Variants in MAU2 observed in about 807,000 individuals in gnomAD.
MAU2 encodes the protein MAU2 sister chromatid cohesion factor.
MAU2 carries 9 observed loss-of-function variants against 89.1 expected under a neutral mutation model. The ratio of observed to expected loss-of-function variants is 0.10; its 90% CI spans 0.06 to 0.18. The LOEUF (loss-of-function observed/expected upper bound fraction) is 0.18, where lower values mean the gene tolerates loss of function less well. MAU2 is among the 10% of genes least tolerant of loss of function. The pLI is 1.00. For synonymous variants in MAU2, 357 were observed against 343.4 expected (o/e 1.04, Z -0.44); for missense variants, 425 against 803.5 (o/e 0.53, Z 5.69).
chr19:19,354,006 C>A, intron 16 of MAU2: 1 of 314,234 alleles, frequency 3.2e-6, no homozygotes, highest in Non-Finnish European at 6.3e-6. Context: ...ACCTGGAACC[C>A]TATATGAATC....
chr19:19,347,917 C>G (rs532868737), intron 13 of MAU2: 1 of 153,108 alleles, frequency 6.5e-6, no homozygotes, highest in African/African-American at 2.4e-5. Flanking sequence ...CCGGGATCCC[C>G]TCCTCAGCCC....
chr19:19,347,169 A>C, intron 12 of MAU2, 111 bp from the exon 13 acceptor site: 1 of 707,820 alleles, frequency 1.4e-6, no homozygotes, highest in Non-Finnish European at 2.6e-6. Context: ...TGAAATGAAA[A>C]GAACAAGTCT....
intron 12 of MAU2, among the ~76,000 whole-genome samples, chr19:19,346,721 C>T (rs1180994968): frequency 6.6e-6 from 1 of 152,172 alleles, no homozygotes; most frequent in African/African-American, 2.4e-5. Flanking sequence ...TCTTGACGAA[C>T]GATCTCATTT....
intron 5 of MAU2, among the ~76,000 whole-genome samples, chr19:19,340,633 C>T (rs1157868596): frequency 4.6e-5 from 7 of 151,892 alleles, no homozygotes; most frequent in African/African-American, 1.2e-4. Context: ...AGCGAGACTC[C>T]GTCTCAAAAA....
intron 4 of MAU2, among the ~76,000 whole-genome samples, chr19:19,337,716 C>T (rs1323752698): frequency 6.6e-6 from 1 of 152,212 alleles, no homozygotes; most frequent in African/African-American, 2.4e-5. Flanking sequence ...CCACAAATGG[C>T]CATGTCAAGC....
intron 16 of MAU2, among the ~76,000 whole-genome samples, chr19:19,351,342 G>C (rs1056857931): frequency 6.6e-6 from 1 of 151,372 alleles, no homozygotes; most frequent in Non-Finnish European, 1.5e-5. Flanking sequence ...CACTGTGCCT[G>C]GCCCTAGAGA....
rs546349793 is a variant in MAU2, at chr19:19,344,433, T to G, written c.1078-416T>G. ...TCTCAAAAAAAAAAACCCAAAAAAC[T>G]AATGGGCCATGGCCCAAAAGCTTGC... On this transcript the variant is annotated intron_variant, in intron 10 of 18. Transcript: ENST00000262815. 18 of 235,742 alleles carry G rather than the reference T, an allele frequency of 7.6e-5. No individual in the cohort carries two copies. The Admixed American group carries it at 8.2e-4, about 11-fold the overall frequency. The allele number at this position is 235,742 out of a possible 1,614,324, so 14.6% of individuals were successfully genotyped here. A position where few individuals can be genotyped will look rare whatever the true frequency, so the allele number is the denominator to read the frequency against.
chr19:19,322,980 TCC>T (rs1241105661), intron 1 of MAU2, among the ~76,000 whole-genome samples: 4 of 152,166 alleles, frequency 2.6e-5, no homozygotes, highest in African/African-American at 9.6e-5. Context: ...AACCTCCGTC[TCC>T]CGGGTTCAAG....
chr19:19,327,145 G>T (rs1293400160), intron 1 of MAU2, among the ~76,000 whole-genome samples: 3 of 128,148 alleles, frequency 2.3e-5, no homozygotes, highest in South Asian at 2.8e-4. Flanking sequence ...TTTTTTAGAT[G>T]GACTCTCACT....
intron 2 of MAU2, 103 bp from the exon 3 acceptor site, chr19:19,336,019 G>A (rs1356783916): frequency 1.3e-5 from 11 of 828,838 alleles, no homozygotes; most frequent in East Asian, 4.9e-5. Flanking sequence ...AGGCAGGGAC[G>A]TGTGTGCCCT....
rs770941790 is a variant in MAU2, at chr19:19,341,418, C to T, written c.735+11C>T. The T allele has an allele frequency of 3.1e-6, 5 of 1,613,082 alleles. No individual in the cohort carries two copies. The African/African-American group carries it at 6.7e-5, about 22-fold the overall frequency. ...CTGGATGCCGGGCAGGTGTGTGGCG[C>T]CTCTCAGGCGAGCTGCTGGTTGTGA... On this transcript the variant is annotated intron_variant, in intron 7 of 18. Transcript: ENST00000262815.
intron 4 of MAU2, among the ~76,000 whole-genome samples, chr19:19,337,999 G>A (rs757001): frequency 0.2 from 29,747 of 152,146 alleles, 3,171 homozygotes; most frequent in South Asian, 0.35. Flanking sequence ...GCGGGTGGCC[G>A]GCCCCCGGCC....
At chr19:19,341,193 C>A (rs191578024) in intron 6 of MAU2, 59 bp from the exon 7 acceptor site, 7 of 1,556,750 alleles carry the variant, frequency 4.5e-6, no homozygotes, top group Non-Finnish European at 6.1e-6. Context: ...CCTGTGCTCC[C>A]GGTCCTGGGA....
chr19:19,345,463 G>T lies in MAU2; in HGVS notation c.1221+94G>T. On this transcript the variant is annotated intron_variant, in intron 12 of 18. Transcript: ENST00000262815. This position sits in a 1 kb window ranked among gnomAD's most constrained non-coding sequence, Gnocchi z 4.9. ...GTGATGAGGACAGCAGTCGCGCTAGGTCAGCTATGCAAAGCCGCAGCCCCA... is the reference window on the plus strand; with the variant it reads ...GTGATGAGGACAGCAGTCGCGCTAGTTCAGCTATGCAAAGCCGCAGCCCCA... 1 of 1,242,374 alleles carries T rather than the reference G, an allele frequency of 8.0e-7. No homozygotes were observed. The highest frequency in any genetic ancestry group is 1.2e-6 in the Non-Finnish European group (1 of 857,086). The allele number at this position is 1,242,374 out of a possible 1,614,324, so 77.0% of individuals were successfully genotyped here.
At chr19:19,336,805 G>A (rs1568656254) in intron 3 of MAU2, among the ~76,000 whole-genome samples, 1 of 152,202 alleles carries the variant, frequency 6.6e-6, no homozygotes, top group Non-Finnish European at 1.5e-5. Flanking sequence ...ATGATGACGG[G>A]TAAGGTGGCA....
At chr19:19,332,031 TTCCTC>T (rs2146666937) in intron 1 of MAU2, among the ~76,000 whole-genome samples, 1 of 152,382 alleles carries the variant, frequency 6.6e-6, no homozygotes, top group East Asian at 1.9e-4. Context: ...AGCCCTCACT[TTCCTC>T]TAATGAACTC....
In MAU2 at chr19:19,341,282, G is replaced by A; in HGVS notation, c.610G>A (p.Val204Met). The A allele has an allele frequency of 1.2e-6, 2 of 1,612,486 alleles. No homozygotes were observed. Among genetic ancestry groups the A allele is most frequent in the Non-Finnish European group, 1.7e-6 (2 of 1,179,986 alleles). The change falls in exon 7 of 19, where the codon GTG becomes ATG. Residue 204 changes from valine (V) to methionine (M), a missense_variant. This residue lies in a region of MAU2 where 119 missense variants were observed against 299.8 expected (regional missense o/e 0.40). Coordinates refer to ENST00000262815, the MANE Select transcript of MAU2 (RefSeq NM_015329.4). Reference sequence around the variant, plus strand: ...GCTGATGGAGCGAAAGCTGCAGGAGGTGCACCCGCTGCTGACCCTCTGCGG... The same window carrying A: ...GCTGATGGAGCGAAAGCTGCAGGAGATGCACCCGCTGCTGACCCTCTGCGG... ...LLLMERKLQEVHPLLTLCGQI... is the reference protein window; with the variant it reads ...LLLMERKLQEMHPLLTLCGQI...
chr19:19,323,101 C>A (rs1005168349), intron 1 of MAU2, among the ~76,000 whole-genome samples: 2 of 151,674 alleles, frequency 1.3e-5, no homozygotes, highest in Non-Finnish European at 2.9e-5. Flanking sequence ...ATTGGCCAGG[C>A]TGGTCTTGAA....
chr19:19,347,614 C>A, intron 13 of MAU2: 1 of 457,608 alleles, frequency 2.2e-6, no homozygotes, highest in South Asian at 2.8e-5. Context: ...CACAAACAAA[C>A]CAAGCTGTAT....
Sources: allele counts gnomAD v4.1 joint callset (sites outside exome capture counted in the v4.1 genomes callset), GRCh38; gene constraint gnomAD v4.1.1; regional missense constraint gnomAD v4.1.1; non-coding constraint Gnocchi (gnomAD v3.1); transcripts MANE v1.5; gene names NCBI Gene and HGNC (gene_info 2026-07-23, HGNC 2026-07-21).